MBD5: variants seen among roughly 807,000 people sequenced by gnomAD.
MBD5 encodes methyl-CpG-binding domain protein 5.
MBD5 carries 13 observed loss-of-function variants against 117.3 expected under a neutral mutation model. The observed-to-expected ratio is 0.11, with a 90% CI of 0.07 to 0.18. The LOEUF (loss-of-function observed/expected upper bound fraction) is 0.18. Among genes scored for constraint, MBD5 ranks in the 10% least tolerant of loss-of-function variants. The pLI is 1.00. For synonymous variants in MBD5, 727 were observed against 766.4 expected, an observed-to-expected ratio of 0.95 and a Z score of 0.85; for missense variants, 1,879 against 2,093.8, an observed-to-expected ratio of 0.90 and a Z score of 2.00.
At chr2:148,330,553 G>C (rs1022980136) in intron 3 of MBD5, 3 of 152,134 alleles carry the variant, frequency 2.0e-5, no homozygotes, top group Non-Finnish European at 4.4e-5. Flanking sequence ...TCCTGCTATA[G>C]ATTTCTTAAA....
In MBD5 at chr2:148,021,616, C is replaced by T. The variant is rs751390847; in HGVS notation, c.-993C>T. 8 of 465,320 alleles carry T rather than the reference C, an allele frequency of 1.7e-5. No homozygotes were observed. Among genetic ancestry groups the T allele is most frequent in the Non-Finnish European group, 3.0e-5 (7 of 237,182 alleles). The allele number at this position is 465,320 out of a possible 1,614,324, so 28.8% of individuals were successfully genotyped here. A position where few individuals can be genotyped will look rare whatever the true frequency, so the allele number is the denominator to read the frequency against. On this transcript the variant is annotated 5_prime_UTR_variant, in exon 1 of 14. Transcript: ENST00000642680. ...TTCGCCTCCTCCTCCTCCACTCCCC[C>T]CCTTTATTACCCTTTGTGTCATCCT...
At chr2:148,023,694 G>A (rs2105533706) in intron 1 of MBD5, among the ~76,000 whole-genome samples, 2 of 152,160 alleles carry the variant, frequency 1.3e-5, no homozygotes, top group South Asian at 4.2e-4. Context: ...TAGATAATTG[G>A]GGTGGTAGTT....
At chr2:148,176,519 C>T (rs1698393919) in intron 1 of MBD5, among the ~76,000 whole-genome samples, 1 of 151,850 alleles carries the variant, frequency 6.6e-6, no homozygotes. Context: ...ATCAATTCTC[C>T]TGTCTCAGCC....
At chr2:148,244,033 T>C (rs1700279980) in intron 3 of MBD5, 1 of 150,806 alleles carries the variant, frequency 6.6e-6, no homozygotes, top group South Asian at 2.1e-4. Flanking sequence ...GGGCGAATAT[T>C]CTCTAGTGCC....
At chr2:148,245,547 T>A (rs1256831981) in intron 3 of MBD5, among the ~76,000 whole-genome samples, 1 of 152,166 alleles carries the variant, frequency 6.6e-6, no homozygotes, top group Non-Finnish European at 1.5e-5. Flanking sequence ...CAGTGAGCTC[T>A]GATTATGCCA....
intron 2 of MBD5, among the ~76,000 whole-genome samples, chr2:148,212,431 T>C (rs1463841497): frequency 1.3e-5 from 2 of 152,228 alleles, no homozygotes; most frequent in African/African-American, 4.8e-5. Context: ...AGCCAAATAA[T>C]GTTCTATTAT....
intron 1 of MBD5, among the ~76,000 whole-genome samples, chr2:148,128,999 C>T (rs1234572450): frequency 6.6e-6 from 1 of 152,136 alleles, no homozygotes; most frequent in African/African-American, 2.4e-5. Context: ...AGAGTTGAAG[C>T]TTTAGTCTAT....
At chr2:148,067,643 G>A (rs917300413) in intron 1 of MBD5, among the ~76,000 whole-genome samples, 8 of 152,186 alleles carry the variant, frequency 5.3e-5, no homozygotes, top group African/African-American at 1.9e-4. Flanking sequence ...GTTGTTCAGA[G>A]TTACAAGAAA....
chr2:148,178,941 A>T (rs926153763), intron 2 of MBD5, 148 bp downstream of exon 2: 34 of 391,718 alleles, frequency 8.7e-5, no homozygotes, highest in African/African-American at 6.6e-4. Flanking sequence ...TCAGACACAA[A>T]TTTTTATTCC....
At chr2:148,299,104 C>G (rs1701721790) in intron 3 of MBD5, among the ~76,000 whole-genome samples, 1 of 152,100 alleles carries the variant, frequency 6.6e-6, no homozygotes, top group African/African-American at 2.4e-5. Context: ...AGAAGGTAAG[C>G]TTTGCTCCAT....
chr2:148,031,564 A>G (rs1694041295), intron 1 of MBD5, among the ~76,000 whole-genome samples: 1 of 152,156 alleles, frequency 6.6e-6, no homozygotes, highest in Admixed American at 6.5e-5. Flanking sequence ...TAGGGAAATG[A>G]TTTGAAATAA....
chr2:148,109,118 T>G (rs1574023322), intron 1 of MBD5, among the ~76,000 whole-genome samples: 1 of 152,252 alleles, frequency 6.6e-6, no homozygotes, highest in East Asian at 1.9e-4. Flanking sequence ...TATGTCCAAA[T>G]TGTTAACATA....
intron 3 of MBD5, among the ~76,000 whole-genome samples, chr2:148,320,187 A>C (rs1193122640): frequency 6.6e-6 from 1 of 152,112 alleles, no homozygotes; most frequent in Non-Finnish European, 1.5e-5. Context: ...TTCATCAGGA[A>C]TATTGGTCTG....
intron 1 of MBD5, among the ~76,000 whole-genome samples, chr2:148,100,072 C>G (rs537137421): frequency 6.6e-6 from 1 of 152,048 alleles, no homozygotes; most frequent in Admixed American, 6.5e-5. Flanking sequence ...AAATCCATCC[C>G]TTAGAAGTCA....
chr2:148,313,172 C>T (rs1229434884), intron 3 of MBD5, among the ~76,000 whole-genome samples: 1 of 152,168 alleles, frequency 6.6e-6, no homozygotes, highest in Non-Finnish European at 1.5e-5. Flanking sequence ...TAGCAGAACT[C>T]GAGCACTGTG....
chr2:148,065,297 A>G (rs1695157139), intron 1 of MBD5, among the ~76,000 whole-genome samples: 1 of 151,970 alleles, frequency 6.6e-6, no homozygotes, highest in African/African-American at 2.4e-5. Context: ...ATAGCCTGGT[A>G]TTTTCCAGCG....
intron 11 of MBD5, among the ~76,000 whole-genome samples, chr2:148,498,643 G>A (rs549358971): frequency 6.6e-6 from 1 of 152,246 alleles, no homozygotes; most frequent in South Asian, 2.1e-4. Context: ...GTCAGATCCA[G>A]GTTCTTCAAA....
intron 4 of MBD5, among the ~76,000 whole-genome samples, chr2:148,386,702 G>A (rs1469391976): frequency 8.1e-6 from 1 of 123,536 alleles, no homozygotes; most frequent in Non-Finnish European, 1.6e-5. Flanking sequence ...CTGGGCGACA[G>A]AGCGAGACTC....
rs574909229 is a variant in MBD5 at position 148,512,843 on chromosome 2, GT to G, written c.5113-19del. On this transcript the variant is annotated intron_variant, in intron 13 of 13. Transcript: ENST00000642680. ...TGTGATTTCATCCTCTGTTGTTGTT[GT>G]TTTTTTTCTACCTTTTTATTTCCAG... 3.8e-6 allele frequency: 6 copies of G among 1,591,388 alleles called. No homozygotes were observed. Among genetic ancestry groups the G allele is most frequent in the Non-Finnish European group, 5.2e-6 (6 of 1,159,990 alleles).
Sources: gnomAD v4.1 joint callset for allele counts (sites outside exome capture counted in the v4.1 genomes callset) on GRCh38, gnomAD v4.1.1 for gene constraint, MANE v1.5 for transcripts, NCBI Gene and HGNC (gene_info 2026-07-23, HGNC 2026-07-21) for gene names.